Variants in PDE4B observed in about 807,000 individuals in gnomAD.
PDE4B encodes phosphodiesterase 4B.
PDE4B carries 20 observed loss-of-function variants against 82.2 expected under a neutral mutation model. The observed-to-expected ratio is 0.24, with a 90% confidence interval of 0.17 to 0.35. The LOEUF (loss-of-function observed/expected upper bound fraction) is 0.35. Among genes scored for constraint, PDE4B ranks in the 10% least tolerant of loss-of-function variants. The pLI is 1.00. For synonymous variants in PDE4B, 320 were observed against 318.9 expected, an observed-to-expected ratio of 1.00 and a Z score of -0.04; for missense variants, 655 against 907.2, an observed-to-expected ratio of 0.72 and a Z score of 3.57.
At chr1:66,169,735 G>A (rs1347684124) in intron 3 of PDE4B, among the ~76,000 whole-genome samples, 2 of 152,120 alleles carry the variant, frequency 1.3e-5, no homozygotes, top group African/African-American at 2.4e-5. Flanking sequence ...CAGGAACAGA[G>A]GAGAAAATGC....
At chr1:66,297,047 C>T (rs983167037) in intron 7 of PDE4B, among the ~76,000 whole-genome samples, 3 of 152,078 alleles carry the variant, frequency 2.0e-5, no homozygotes, top group South Asian at 2.1e-4. Flanking sequence ...TTTGAGTCAT[C>T]GCCCATCGGC....
chr1:65,824,149 C>CT (rs1262889807), intron 1 of PDE4B, among the ~76,000 whole-genome samples: 3 of 152,056 alleles, frequency 2.0e-5, no homozygotes, highest in African/African-American at 4.8e-5. Flanking sequence ...TCAGGATTGT[C>CT]TTTTTTTATT....
chr1:66,041,300 A>C (rs12565519), intron 3 of PDE4B, among the ~76,000 whole-genome samples: 7,626 of 152,010 alleles, frequency 0.05, 565 homozygotes, highest in East Asian at 0.36. Flanking sequence ...AAAGATGTGC[A>C]AAAATGTTCC....
intron 3 of PDE4B, among the ~76,000 whole-genome samples, chr1:66,008,200 C>A (rs1226940265): frequency 6.6e-6 from 1 of 152,080 alleles, no homozygotes; most frequent in East Asian, 1.9e-4. Context: ...GAATTTGGCA[C>A]ATTAGAGAGA....
At chr1:66,335,102 A>G (rs1186585449) in intron 8 of PDE4B, among the ~76,000 whole-genome samples, 1 of 152,264 alleles carries the variant, frequency 6.6e-6, no homozygotes, top group South Asian at 2.1e-4. Flanking sequence ...TCCCTTTACT[A>G]TGTAGTCTTA....
intron 3 of PDE4B, among the ~76,000 whole-genome samples, chr1:66,006,454 A>C (rs546111628): frequency 2.6e-5 from 4 of 152,306 alleles, no homozygotes; most frequent in African/African-American, 4.8e-5. Context: ...TGTTAAGAGT[A>C]TATCAGTATA....
chr1:66,260,900 G>T (rs1299127553), intron 6 of PDE4B, among the ~76,000 whole-genome samples: 1 of 152,080 alleles, frequency 6.6e-6, no homozygotes, highest in African/African-American at 2.4e-5. Context: ...TGTCACCCTT[G>T]GTCCAAAGCA....
At chr1:66,069,697 G>T (rs900725333) in intron 3 of PDE4B, among the ~76,000 whole-genome samples, 1 of 151,938 alleles carries the variant, frequency 6.6e-6, no homozygotes, top group Non-Finnish European at 1.5e-5. Context: ...TCTCTAAAAT[G>T]GAATATTGGT....
At chr1:66,278,257 G>A (rs1373250516) in intron 7 of PDE4B, among the ~76,000 whole-genome samples, 1 of 152,132 alleles carries the variant, frequency 6.6e-6, no homozygotes, top group Non-Finnish European at 1.5e-5. Context: ...TGAAACTGGG[G>A]TATATTCTGA....
At chr1:65,798,991 C>T (rs1645665574) in intron 1 of PDE4B, among the ~76,000 whole-genome samples, 1 of 151,962 alleles carries the variant, frequency 6.6e-6, no homozygotes, top group Non-Finnish European at 1.5e-5. Flanking sequence ...CTAAAAAATC[C>T]TTTATCCTGT....
chr1:66,160,283 G>GC (rs1646584468), intron 3 of PDE4B, among the ~76,000 whole-genome samples: 1 of 152,178 alleles, frequency 6.6e-6, no homozygotes, highest in South Asian at 2.1e-4. Flanking sequence ...TTTGAGGTTG[G>GC]CGCTGCCTCT....
chr1:66,221,635 C>G (rs1650997162), intron 3 of PDE4B, among the ~76,000 whole-genome samples: 2 of 152,114 alleles, frequency 1.3e-5, no homozygotes, highest in Admixed American at 1.3e-4. Flanking sequence ...ATATTCAAAA[C>G]CAAGTGTCCT....
At chr1:65,846,019 C>T (rs1646264514) in intron 1 of PDE4B, among the ~76,000 whole-genome samples, 1 of 152,156 alleles carries the variant, frequency 6.6e-6, no homozygotes, top group Non-Finnish European at 1.5e-5. Context: ...CTTCAGAAAT[C>T]AATTTTTCAG....
chr1:66,155,283 T>C (rs1042925637), intron 3 of PDE4B, among the ~76,000 whole-genome samples: 2 of 152,020 alleles, frequency 1.3e-5, no homozygotes. Context: ...CATTTTCCTC[T>C]TGCTCCTCTT....
chr1:66,268,638 A>G (rs1175758315), intron 7 of PDE4B, among the ~76,000 whole-genome samples: 11 of 145,014 alleles, frequency 7.6e-5, no homozygotes, highest in Admixed American at 6.3e-4. Flanking sequence ...ACTGAACTCA[A>G]GCCCAGGTGA....
chr1:66,057,563 T>C (rs886935175), intron 3 of PDE4B, among the ~76,000 whole-genome samples: 1 of 152,148 alleles, frequency 6.6e-6, no homozygotes, highest in African/African-American at 2.4e-5. Context: ...TTATTGGACT[T>C]ACAGTTCCAC....
intron 3 of PDE4B, among the ~76,000 whole-genome samples, chr1:66,152,231 C>A (rs890067184): frequency 6.6e-6 from 1 of 152,056 alleles, no homozygotes; most frequent in African/African-American, 2.4e-5. Flanking sequence ...AGGGTAAATC[C>A]ATTTTAGAAG....
chr1:65,804,224 T>C (rs1415948359), intron 1 of PDE4B, among the ~76,000 whole-genome samples: 1 of 152,188 alleles, frequency 6.6e-6, no homozygotes, highest in Non-Finnish European at 1.5e-5. Flanking sequence ...ATGTGAAAAG[T>C]GATCTGGAAA....
chr1:66,243,798 G>A (rs1475982362), intron 3 of PDE4B, among the ~76,000 whole-genome samples: 1 of 152,118 alleles, frequency 6.6e-6, no homozygotes, highest in Non-Finnish European at 1.5e-5. Context: ...TTCAGTCCAG[G>A]GATATTGGCA....
Sources: allele counts gnomAD v4.1 joint callset (sites outside exome capture counted in the v4.1 genomes callset), GRCh38; gene constraint gnomAD v4.1.1; transcripts MANE v1.5; gene names NCBI Gene and HGNC (gene_info 2026-07-23, HGNC 2026-07-21).